Variants in COL26A1 observed in about 807,000 individuals in gnomAD.
COL26A1 encodes the protein collagen alpha-1(XXVI) chain.
A neutral mutation model predicts 59.3 loss-of-function variants in COL26A1; 41 were observed. The observed-to-expected ratio is 0.69, with a 90% CI of 0.54 to 0.90. The LOEUF is 0.90. Ranked by LOEUF, COL26A1 falls within the 40% of genes least tolerant of loss-of-function variation. The pLI is 0.00. For missense variants in COL26A1, 612 were observed against 602.3 expected (o/e 1.02, Z -0.17); for synonymous variants, 266 against 256.0 (o/e 1.04, Z -0.37).
At chr7:101,471,573 T>TTG (rs1335670878) in intron 3 of COL26A1, among the ~76,000 whole-genome samples, 79 of 55,902 alleles carry the variant, frequency 1.4e-3, no homozygotes, top group Middle Eastern at 9.1e-3. Context: ...TGTTGTTTGT[T>TTG]TTTTTTTTTT....
chr7:101,513,973 AAACAG>A, intron 3 of COL26A1, among the ~76,000 whole-genome samples: 1 of 152,298 alleles, frequency 6.6e-6, no homozygotes, highest in South Asian at 2.1e-4. Flanking sequence ...CAGAGTGGGG[AAACAG>A]AAATGGCTCA....
chr7:101,493,737 C>T (rs1359075734), intron 3 of COL26A1, among the ~76,000 whole-genome samples: 1 of 125,458 alleles, frequency 8.0e-6, no homozygotes, highest in African/African-American at 3.2e-5. Context: ...CTGGCTAACA[C>T]AGTGAAACCC....
At chr7:101,489,664 C>CTGTCTTT (rs1563007363) in intron 3 of COL26A1, among the ~76,000 whole-genome samples, 2 of 22,698 alleles carry the variant, frequency 8.8e-5, no homozygotes, top group Non-Finnish European at 8.1e-5. Context: ...TTTCTTTCTT[C>CTGTCTTT]CTTCCTTCCT....
At chr7:101,447,553 A>C (rs1793227771) in intron 2 of COL26A1, 131 bp from the exon 3 acceptor site, 2 of 626,306 alleles carry the variant, frequency 3.2e-6, no homozygotes, top group East Asian at 5.6e-5. Context: ...GGACCCCGGC[A>C]GTGGTTTCCA....
intron 1 of COL26A1, among the ~76,000 whole-genome samples, chr7:101,379,213 G>A (rs931092290): frequency 1.1e-4 from 17 of 152,134 alleles, no homozygotes; most frequent in Admixed American, 1.1e-3. Flanking sequence ...CATTTCTGCC[G>A]TGATGTGATC....
In COL26A1 at chr7:101,493,497, G is replaced by A. The variant is rs114173659; in HGVS notation, c.386-39585G>A. ...GCTGTCACCTTGGCCAGGGCTCTTC[G>A]CTTGTGGACCTCTTTGGCCGTCTGC... On this transcript the variant is annotated intron_variant, in intron 3 of 12. Coordinates refer to ENST00000313669, the MANE Select transcript of COL26A1 (RefSeq NM_001278563.3). 1.5e-3 allele frequency among the ~76,000 whole-genome samples: 228 copies of A among 152,176 alleles called. 1 individual carries two copies. Among genetic ancestry groups the A allele is most frequent in the African/African-American group, 5.2e-3 (214 of 41,530 alleles).
At chr7:101,471,858 G>T (rs1355716878) in intron 3 of COL26A1, among the ~76,000 whole-genome samples, 2 of 152,090 alleles carry the variant, frequency 1.3e-5, no homozygotes, top group East Asian at 3.9e-4. Context: ...GAGATTACAG[G>T]CATGAGCCGC....
intron 5 of COL26A1, among the ~76,000 whole-genome samples, chr7:101,542,947 A>G (rs911656480): frequency 1.3e-5 from 2 of 152,202 alleles, no homozygotes; most frequent in Non-Finnish European, 2.9e-5. Context: ...ATGCCTGGCA[A>G]GACCTTTCCA....
intron 1 of COL26A1, among the ~76,000 whole-genome samples, chr7:101,410,066 T>C (rs1792209238): frequency 6.6e-6 from 1 of 152,080 alleles, no homozygotes; most frequent in Non-Finnish European, 1.5e-5. Flanking sequence ...GGCCAGAGGC[T>C]AGGGTTTTTA....
rs151051981 is a variant in COL26A1, at chr7:101,439,856, G to A, written c.282-7828G>A. ...CTCCAGAGCTGTGTGGCACCTGGCC[G>A]GGACCTTGTTATTGGCCCTTAATGT... On this transcript the variant is annotated intron_variant, in intron 2 of 12. Transcript: ENST00000313669. Among the ~76,000 whole-genome samples the A allele has an allele frequency of 2.9e-3, 446 of 152,268 alleles. 1 individual carries two copies. Among genetic ancestry groups the A allele is most frequent in the African/African-American group, 9.7e-3 (404 of 41,546 alleles).
At chr7:101,379,734 A>C (rs1791401592) in intron 1 of COL26A1, among the ~76,000 whole-genome samples, 1 of 152,138 alleles carries the variant, frequency 6.6e-6, no homozygotes, top group Non-Finnish European at 1.5e-5. Flanking sequence ...AAGCCGGCCA[A>C]AACCCACCAA....
At chr7:101,373,467 C>T (rs572389563) in intron 1 of COL26A1, among the ~76,000 whole-genome samples, 2 of 152,346 alleles carry the variant, frequency 1.3e-5, no homozygotes, top group East Asian at 1.9e-4. Context: ...ATTTCAGCAT[C>T]TCCTGGACTT....
intron 3 of COL26A1, among the ~76,000 whole-genome samples, chr7:101,471,567 G>GTTGTTTTTTTTTTTTTTT (rs1485332913): frequency 1.8e-5 from 2 of 112,420 alleles, no homozygotes; most frequent in African/African-American, 7.0e-5. Flanking sequence ...TGTTGTTGTT[G>GTTGTTTTTTTTTTTTTTT]TTTGTTTTTT....
intron 3 of COL26A1, among the ~76,000 whole-genome samples, chr7:101,482,214 G>A (rs1019108197): frequency 5.9e-5 from 9 of 151,952 alleles, no homozygotes; most frequent in Admixed American, 5.2e-4. Flanking sequence ...TGCCATGCTG[G>A]CCAGGCTGGT....
intron 3 of COL26A1, among the ~76,000 whole-genome samples, chr7:101,450,571 A>G (rs937900467): frequency 6.6e-6 from 1 of 152,008 alleles, no homozygotes; most frequent in Admixed American, 6.6e-5. Flanking sequence ...CCACGAGCCA[A>G]GTGCAAAGGC....
intron 1 of COL26A1, among the ~76,000 whole-genome samples, chr7:101,376,516 A>C (rs960683200): frequency 6.9e-4 from 105 of 152,272 alleles, no homozygotes; most frequent in African/African-American, 2.4e-3. Context: ...ATGTCCTGAT[A>C]GGTTTCCGGT....
At chr7:101,422,172 C>T (rs1319473605) in intron 2 of COL26A1, among the ~76,000 whole-genome samples, 2 of 151,824 alleles carry the variant, frequency 1.3e-5, no homozygotes, top group African/African-American at 4.8e-5. Context: ...ATTAGCCAGA[C>T]GTGGTGGTGG....
At chr7:101,471,987 G>A (rs747485204) in intron 3 of COL26A1, among the ~76,000 whole-genome samples, 1 of 152,026 alleles carries the variant, frequency 6.6e-6, no homozygotes, top group East Asian at 1.9e-4. Flanking sequence ...AGAATTAATA[G>A]GTATGCTATT....
chr7:101,557,637 T>G lies in COL26A1; in HGVS notation c.*107T>G. 8.6e-7 allele frequency: 1 copy of G among 1,165,640 alleles called. No homozygotes were observed. The highest frequency in any genetic ancestry group is 1.2e-6 in the Non-Finnish European group (1 of 844,154). 72.2% of individuals were successfully genotyped at this position (1,165,640 alleles called of 1,614,324 possible). On this transcript the variant is annotated 3_prime_UTR_variant, in exon 13 of 13. Transcript: ENST00000313669. Reference sequence around the variant, plus strand: ...CCCCAGGGGAACTGGGCTCCAGGCATGGATGATTGTGAGGACATGGGGGGC... The same window carrying G: ...CCCCAGGGGAACTGGGCTCCAGGCAGGGATGATTGTGAGGACATGGGGGGC...
Sources: allele counts gnomAD v4.1 joint callset (sites outside exome capture counted in the v4.1 genomes callset), GRCh38; gene constraint gnomAD v4.1.1; transcripts MANE v1.5; gene names NCBI Gene and HGNC (gene_info 2026-07-23, HGNC 2026-07-21).